ABCC11: variants seen among roughly 807,000 people sequenced by gnomAD.
ABCC11 encodes the protein ATP binding cassette subfamily C member 11.
Under a neutral mutation model 149.3 loss-of-function variants are expected in ABCC11, and 135 were observed. The ratio of observed to expected loss-of-function variants is 0.90; its 90% confidence interval spans 0.79 to 1.04. The LOEUF is 1.04. Ranked by LOEUF, ABCC11 falls within the 50% of genes least tolerant of loss-of-function variation. The pLI, the probability that ABCC11 is intolerant of heterozygous loss-of-function variation, is 0.00. For synonymous variants in ABCC11, 665 were observed against 671.4 expected (o/e 0.99, Z 0.15); for missense variants, 1,680 against 1,722.1 (o/e 0.98, Z 0.43).
At chr16:48,238,396 T>C (rs1184947994) in intron 1 of ABCC11, among the ~76,000 whole-genome samples, 3 of 152,172 alleles carry the variant, frequency 2.0e-5, no homozygotes, top group Non-Finnish European at 4.4e-5. Flanking sequence ...TTTTGGGACC[T>C]GTCTACCCTT....
At chr16:48,211,552 T>C (rs753200663) in intron 10 of ABCC11, among the ~76,000 whole-genome samples, 3 of 152,202 alleles carry the variant, frequency 2.0e-5, no homozygotes, top group African/African-American at 4.8e-5. Context: ...AATTAAATTC[T>C]ATTTAGATTG....
chr16:48,227,741 T>C (rs1199493268), intron 4 of ABCC11, 65 bp downstream of exon 4: 3 of 1,605,040 alleles, frequency 1.9e-6, no homozygotes, highest in South Asian at 2.2e-5. Flanking sequence ...TAGGCATCTC[T>C]GGTCATTATC....
intron 20 of ABCC11, among the ~76,000 whole-genome samples, chr16:48,187,924 G>A (rs1252755470): frequency 6.6e-6 from 1 of 152,092 alleles, no homozygotes; most frequent in African/African-American, 2.4e-5. Flanking sequence ...TAAAACAGGG[G>A]TGGGGTGGAA....
intron 18 of ABCC11, 70 bp from the exon 19 acceptor site, chr16:48,194,052 C>T (rs1273482352): frequency 7.0e-6 from 8 of 1,145,090 alleles, no homozygotes; most frequent in East Asian, 2.4e-5. Context: ...CTCAGCTGCT[C>T]GGCCATCTCT....
At chr16:48,244,827 C>T (rs972474887) in intron 1 of ABCC11, among the ~76,000 whole-genome samples, 1 of 152,198 alleles carries the variant, frequency 6.6e-6, no homozygotes, top group African/African-American at 2.4e-5. Context: ...TGAAGTAGTG[C>T]CTGACACCTG....
At chr16:48,168,587 T>C (rs1965491164) in intron 28 of ABCC11, among the ~76,000 whole-genome samples, 1 of 152,214 alleles carries the variant, frequency 6.6e-6, no homozygotes, top group African/African-American at 2.4e-5. Flanking sequence ...CTCGCCTACG[T>C]AGGAGAAGGT....
intron 14 of ABCC11, 132 bp from the exon 15 acceptor site, chr16:48,200,611 G>C: frequency 1.1e-6 from 1 of 918,632 alleles, no homozygotes; most frequent in Non-Finnish European, 1.6e-6. Flanking sequence ...CAGGATACCT[G>C]ATAATTTGGC....
intron 1 of ABCC11, among the ~76,000 whole-genome samples, chr16:48,245,494 A>G (rs941941261): frequency 2.0e-5 from 3 of 152,212 alleles, no homozygotes; most frequent in South Asian, 2.1e-4. Flanking sequence ...TTTGCTGTCC[A>G]GTACTGTGTA....
chr16:48,189,826 C>T (rs537706086), intron 20 of ABCC11, among the ~76,000 whole-genome samples: 4 of 152,294 alleles, frequency 2.6e-5, no homozygotes, highest in African/African-American at 9.6e-5. Context: ...TTGTCTCACC[C>T]TGCCAAAGTT....
Position 48,211,119 on chromosome 16 carries a change from G to A in ABCC11, c.1437C>T (p.Ala479=), listed in dbSNP as rs751178708. The part of the protein sequence containing the change: ...DPSKALVFEE[A]TLSWQQTCPG... ...GACAGGTCTGTTGCCATGACAAGGT[G>A]GCCTCCTCAAAGACCAGAGCTTTGC... Residue 479 remains alanine, a synonymous_variant, in exon 11 of 30, where the codon GCC becomes GCT. Coordinates refer to ENST00000356608, the MANE Select transcript of ABCC11 (RefSeq NM_001370497.1). The A allele has an allele frequency of 2.5e-6, 4 of 1,614,050 alleles. No individual in the cohort carries two copies. The highest frequency in any genetic ancestry group is 1.1e-5 in the South Asian group (1 of 91,086).
At chr16:48,231,368 G>GA (rs1232154305) in intron 2 of ABCC11, among the ~76,000 whole-genome samples, 1 of 151,940 alleles carries the variant, frequency 6.6e-6, no homozygotes, top group East Asian at 1.9e-4. Context: ...AGGTCTATTT[G>GA]AAAAAAATCA....
At chr16:48,190,618 G>T (rs1003253285) in intron 20 of ABCC11, among the ~76,000 whole-genome samples, 4 of 152,222 alleles carry the variant, frequency 2.6e-5, no homozygotes, top group African/African-American at 7.2e-5. Context: ...CTCACCTCAG[G>T]CCTCCCAAAA....
chr16:48,247,046 T>C (rs1224941334), intron 1 of ABCC11, among the ~76,000 whole-genome samples: 2 of 152,312 alleles, frequency 1.3e-5, no homozygotes, highest in Non-Finnish European at 2.9e-5. Context: ...AAAACATATA[T>C]TGAAAAGTCT....
rs780477875 is a variant in ABCC11 at position 48,200,340 on chromosome 16, A to G, written c.2018T>C (p.Phe673Ser). The G allele has an allele frequency of 1.2e-5, 19 of 1,614,230 alleles. No homozygotes were observed. In the South Asian group the frequency reaches 1.6e-4, roughly 14 times the overall value. Residue 673 changes from phenylalanine to serine, a missense_variant, in exon 15 of 30, where the codon TTT becomes TCT. Coordinates refer to ENST00000356608, the MANE Select transcript of ABCC11 (RefSeq NM_001370497.1). ...GAGTGTCTTCTTAATGCACTCCTCA[A>G]AAATGTGCTTCCCCACGTGGGCGTC... ...AVDAHVGKHI[F>S]EECIKKTLRG...
chr16:48,171,955 T>G (rs1965749303), intron 26 of ABCC11, among the ~76,000 whole-genome samples: 1 of 152,088 alleles, frequency 6.6e-6, no homozygotes, highest in Non-Finnish European at 1.5e-5. Flanking sequence ...AGAGTGAGAC[T>G]CGGTCTCAGA....
intron 1 of ABCC11, among the ~76,000 whole-genome samples, chr16:48,242,924 A>T (rs1971058385): frequency 6.6e-6 from 1 of 152,164 alleles, no homozygotes; most frequent in African/African-American, 2.4e-5. Flanking sequence ...GGGGGAAGGG[A>T]TACCATTAGG....
chr16:48,215,472 C>T, intron 7 of ABCC11, 128 bp from the exon 8 acceptor site: 1 of 1,111,002 alleles, frequency 9.0e-7, no homozygotes, highest in Non-Finnish European at 1.3e-6. Flanking sequence ...CCAATCAAAG[C>T]TCTCCAGGCC....
rs1339413112 is a variant in ABCC11, at chr16:48,178,703, G to A, written c.3259-17C>T. The A allele has an allele frequency of 6.2e-7, 1 of 1,612,700 alleles. No homozygotes were observed. Among genetic ancestry groups the A allele is most frequent in the South Asian group, 1.1e-5 (1 of 91,058 alleles). On this transcript the variant is annotated splice_polypyrimidine_tract_variant and intron_variant, in intron 23 of 29. Transcript: ENST00000356608. The stretch of plus-strand genomic sequence containing the variant: ...GGACGCCAGCTAGAAGGAAGGAGAA[G>A]TATCGGGGGTCAAGAGGCTGCTGGG...
intron 15 of ABCC11, among the ~76,000 whole-genome samples, chr16:48,198,897 T>G (rs1370675008): frequency 6.6e-6 from 1 of 151,768 alleles, no homozygotes; most frequent in African/African-American, 2.4e-5. Flanking sequence ...ATCAGCCAGG[T>G]GTGGTGGCGT....
Sources: allele counts gnomAD v4.1 joint callset (sites outside exome capture counted in the v4.1 genomes callset), GRCh38; gene constraint gnomAD v4.1.1; transcripts MANE v1.5; gene names NCBI Gene and HGNC (gene_info 2026-07-23, HGNC 2026-07-21).